The following FMN2 variants were observed in gnomAD, a reference collection of about 807,000 sequenced individuals.
The protein encoded by FMN2 is formin 2.
Under a neutral mutation model 142.3 loss-of-function variants are expected in FMN2, and 51 were observed. That is an observed-to-expected ratio of 0.36 (90% CI 0.29 to 0.45). The LOEUF is 0.45. FMN2 is among the 20% of genes least tolerant of loss of function. The probability of loss-of-function intolerance (pLI) is 1.00; values close to 1 mark genes in which losing one functional copy is unlikely to be tolerated. For missense variants in FMN2, 1,936 were observed against 2,122.8 expected (o/e 0.91, Z 1.73); for synonymous variants, 882 against 869.8 (o/e 1.01, Z -0.25).
intron 1 of FMN2, among the ~76,000 whole-genome samples, chr1:240,111,324 G>T (rs1661800656): frequency 6.6e-6 from 1 of 152,124 alleles, no homozygotes; most frequent in Non-Finnish European, 1.5e-5. Flanking sequence ...AAAGAATTCA[G>T]GGCAAGTCCT....
chr1:240,145,153 C>T (rs1461622509), intron 2 of FMN2: 23 of 1,479,986 alleles, frequency 1.6e-5, no homozygotes, highest in East Asian at 9.1e-5. Flanking sequence ...TTTCCTCCAG[C>T]GCTGGTCGAT....
intron 7 of FMN2, among the ~76,000 whole-genome samples, chr1:240,275,106 A>T (rs6694603): frequency 0.083 from 11,557 of 138,948 alleles, 498 homozygotes; most frequent in African/African-American, 0.11. Context: ...GTCTTTTATT[A>T]TACTTTAAGT....
intron 16 of FMN2, among the ~76,000 whole-genome samples, chr1:240,466,617 C>G (rs1676625939): frequency 6.6e-6 from 1 of 152,198 alleles, no homozygotes; most frequent in South Asian, 2.1e-4. Flanking sequence ...CAAACTCTGT[C>G]ATTACCAATC....
chr1:240,142,026 C>T (rs183145512), intron 2 of FMN2, among the ~76,000 whole-genome samples: 148 of 152,250 alleles, frequency 9.7e-4, no homozygotes, highest in Non-Finnish European at 1.7e-3. Context: ...ATTCTGAAGT[C>T]GCTACATGAG....
intron 6 of FMN2, among the ~76,000 whole-genome samples, chr1:240,221,465 C>T (rs920410177): frequency 6.6e-6 from 1 of 152,072 alleles, no homozygotes; most frequent in Non-Finnish European, 1.5e-5. Context: ...TCTCTAATGA[C>T]CAGTGATGAT....
intron 2 of FMN2, among the ~76,000 whole-genome samples, chr1:240,172,015 T>C (rs1196614774): frequency 6.6e-6 from 1 of 152,208 alleles, no homozygotes; most frequent in Non-Finnish European, 1.5e-5. Flanking sequence ...AAAATAAAAC[T>C]GTGATTTGCT....
intron 2 of FMN2, among the ~76,000 whole-genome samples, chr1:240,148,474 GAA>G (rs1295030093): frequency 1.4e-5 from 2 of 143,678 alleles, no homozygotes; most frequent in Admixed American, 1.5e-4. Context: ...GACAGGGAGA[GAA>G]AGAAAAAGAG....
chr1:240,123,233 A>C lies in FMN2; in HGVS notation c.1670A>C (p.Glu557Ala). Reference protein sequence around the residue: ...FSQQENGPPEEAEKFCSRIIA... With the variant: ...FSQQENGPPEAAEKFCSRIIA... ...CAGCAGGAGAACGGGCCTCCAGAAG[A>C]AGCAGAGAAGTTTTGCTCCCGGATC... The change falls in exon 2 of 18, where the codon GAA becomes GCA. Residue 557 changes from glutamate to alanine, a missense_variant. Coordinates refer to ENST00000319653, the MANE Select transcript of FMN2 (RefSeq NM_020066.5). 6.2e-7 allele frequency: 1 copy of C among 1,614,150 alleles called. No individual in the cohort carries two copies. The highest frequency in any genetic ancestry group is 8.5e-7 in the Non-Finnish European group (1 of 1,180,034).
intron 11 of FMN2, 134 bp downstream of exon 11, chr1:240,330,883 A>G: frequency 1.9e-6 from 2 of 1,045,450 alleles, no homozygotes; most frequent in Non-Finnish European, 2.6e-6. Context: ...TCTGAGCTAG[A>G]AAAAAGTAAT....
chr1:240,356,592 C>T (rs926908890), intron 14 of FMN2, among the ~76,000 whole-genome samples: 3 of 152,106 alleles, frequency 2.0e-5, no homozygotes, highest in African/African-American at 4.8e-5. Flanking sequence ...ATAATTATAT[C>T]AAAGCATTTA....
At chr1:240,115,410 T>C (rs1661982507) in intron 1 of FMN2, among the ~76,000 whole-genome samples, 1 of 152,228 alleles carries the variant, frequency 6.6e-6, no homozygotes, top group Non-Finnish European at 1.5e-5. Context: ...ACTCTGAGGA[T>C]ACCTCTGAAT....
intron 14 of FMN2, among the ~76,000 whole-genome samples, chr1:240,385,721 G>C (rs1417247170): frequency 6.6e-6 from 1 of 152,130 alleles, no homozygotes; most frequent in Non-Finnish European, 1.5e-5. Context: ...CATCAGGCTG[G>C]GTGATAATAG....
At chr1:240,103,503 G>C (rs554337146) in intron 1 of FMN2, among the ~76,000 whole-genome samples, 5 of 152,088 alleles carry the variant, frequency 3.3e-5, no homozygotes, top group Non-Finnish European at 7.4e-5. Flanking sequence ...CTCCTTCTGG[G>C]TTTCCCAAAC....
At position 240,317,752 on chromosome 1, in the gene FMN2, G is replaced by A. The variant is rs983739161; in HGVS notation, c.4216-11324G>A. 2.6e-5 allele frequency among the ~76,000 whole-genome samples: 4 copies of A among 152,072 alleles called. No homozygotes were observed. In the South Asian group the frequency reaches 8.3e-4, roughly 32 times the overall value. On this transcript the variant is annotated intron_variant, in intron 8 of 17. Transcript: ENST00000319653. Reference sequence around the variant, plus strand: ...ATGTCGACTTAAGTTTTCTTTTTTTGTGTGATAAATGCCCAGGACTGCAAT... The same window carrying A: ...ATGTCGACTTAAGTTTTCTTTTTTTATGTGATAAATGCCCAGGACTGCAAT...
chr1:240,247,502 CA>C (rs113817304), intron 6 of FMN2, among the ~76,000 whole-genome samples: 41,317 of 107,786 alleles, frequency 0.38, 5,751 homozygotes, highest in Middle Eastern at 0.47. Context: ...AACTCCATTT[CA>C]AAAAAAAAAA....
At chr1:240,398,501 T>A (rs77944048) in intron 15 of FMN2, among the ~76,000 whole-genome samples, 2,977 of 152,130 alleles carry the variant, frequency 0.02, 45 homozygotes, top group Non-Finnish European at 0.032. Context: ...AATGACAAAA[T>A]CGTTAGTAAA....
chr1:240,156,185 G>T (rs1479260368), intron 2 of FMN2, among the ~76,000 whole-genome samples: 2 of 152,112 alleles, frequency 1.3e-5, no homozygotes, highest in African/African-American at 4.8e-5. Flanking sequence ...AGGAGTAGGA[G>T]GCCGAAGTGT....
chr1:240,224,984 C>T (rs978252719), intron 6 of FMN2, among the ~76,000 whole-genome samples: 3 of 152,072 alleles, frequency 2.0e-5, no homozygotes, highest in Non-Finnish European at 4.4e-5. Flanking sequence ...GAGGAAGGAA[C>T]TCAGATAAAA....
In FMN2 at chr1:240,355,951, C is replaced by CAA. The variant is rs58002724; in HGVS notation, c.4858+77_4858+78dup. On this transcript the variant is annotated intron_variant, in intron 14 of 17. Coordinates refer to ENST00000319653, the MANE Select transcript of FMN2 (RefSeq NM_020066.5). ...GTGTTATGTTTTTCTCCCCTTTCAG[C>CAA]AAAAAAAAAAAAAAAAAAAAAAAAA... 1.6e-3 allele frequency: 402 copies of CAA among 252,474 alleles called. 39 individuals carry two copies. The highest frequency in any genetic ancestry group is 2.0e-3 in the Non-Finnish European group (283 of 140,336). 15.6% of individuals were successfully genotyped at this position (252,474 alleles called of 1,614,324 possible).
Sources: allele counts gnomAD v4.1 joint callset (sites outside exome capture counted in the v4.1 genomes callset), GRCh38; gene constraint gnomAD v4.1.1; transcripts MANE v1.5; gene names NCBI Gene and HGNC (gene_info 2026-07-23, HGNC 2026-07-21).